Variants in CHL1 observed in about 807,000 individuals in gnomAD.
CHL1 encodes the protein cell adhesion molecule L1 like, also known as neural cell adhesion molecule L1-like protein.
A neutral mutation model predicts 141.9 loss-of-function variants in CHL1; 96 were observed. The observed-to-expected ratio is 0.68, with a 90% confidence interval of 0.57 to 0.80. CHL1 has a LOEUF of 0.80. CHL1 is among the 30% of genes least tolerant of loss of function. CHL1 has a pLI of 0.00. For synonymous variants in CHL1, 613 were observed against 502.2 expected (o/e 1.22, Z -2.95); for missense variants, 1,820 against 1,457.2 (o/e 1.25, Z -4.05).
At chr3:299,958 T>C (rs1698574518) in intron 2 of CHL1, among the ~76,000 whole-genome samples, 1 of 152,192 alleles carries the variant, frequency 6.6e-6, no homozygotes, top group Non-Finnish European at 1.5e-5. Context: ...CAGGAAGTTG[T>C]TGGCCGCCTC....
chr3:360,758 C>G (rs1418822526), intron 12 of CHL1, among the ~76,000 whole-genome samples: 1 of 121,972 alleles, frequency 8.2e-6, no homozygotes, highest in African/African-American at 3.5e-5. Flanking sequence ...CACCCCACAA[C>G]AGTCCCCAGA....
At chr3:323,307 T>C (rs1559254019) in intron 3 of CHL1, among the ~76,000 whole-genome samples, 1 of 152,064 alleles carries the variant, frequency 6.6e-6, no homozygotes, top group Non-Finnish European at 1.5e-5. Flanking sequence ...CTTGAGAGCT[T>C]CCCGATACTT....
intron 11 of CHL1, among the ~76,000 whole-genome samples, chr3:358,706 T>C (rs1703937218): frequency 6.6e-6 from 1 of 152,132 alleles, no homozygotes; most frequent in South Asian, 2.1e-4. Flanking sequence ...CACAGTCAAG[T>C]GAAAAAAATC....
intron 2 of CHL1, among the ~76,000 whole-genome samples, chr3:302,486 C>T (rs1032877905): frequency 1.3e-5 from 2 of 152,206 alleles, no homozygotes; most frequent in African/African-American, 4.8e-5. Context: ...TTGCATTTCT[C>T]TAATGACCAG....
At chr3:235,417 A>T (rs949140981) in intron 1 of CHL1, among the ~76,000 whole-genome samples, 1 of 152,146 alleles carries the variant, frequency 6.6e-6, no homozygotes, top group Admixed American at 6.5e-5. Flanking sequence ...GTAAGGATAA[A>T]ATGAGTTAAT....
chr3:288,940 G>T (rs1325576853), intron 2 of CHL1, among the ~76,000 whole-genome samples: 1 of 152,024 alleles, frequency 6.6e-6, no homozygotes, highest in East Asian at 1.9e-4. Context: ...TCATGCCTTT[G>T]GTTTTGTGAG....
intron 15 of CHL1, among the ~76,000 whole-genome samples, chr3:367,479 T>C (rs995781346): frequency 1.3e-5 from 2 of 152,152 alleles, no homozygotes; most frequent in African/African-American, 2.4e-5. Flanking sequence ...TCCCATAACA[T>C]AGTTTGAATT....
chr3:306,072 C>T (rs1378200455), intron 2 of CHL1, among the ~76,000 whole-genome samples: 1 of 152,036 alleles, frequency 6.6e-6, no homozygotes, highest in African/African-American at 2.4e-5. Flanking sequence ...CTGATATTGC[C>T]TTCCTGTTCT....
At chr3:206,532 C>A (rs1186975827) in intron 1 of CHL1, among the ~76,000 whole-genome samples, 2 of 151,790 alleles carry the variant, frequency 1.3e-5, no homozygotes, top group Admixed American at 6.6e-5. Context: ...GAGTTCAAGA[C>A]CAGCAACACA....
At chr3:271,515 T>C in intron 2 of CHL1, among the ~76,000 whole-genome samples, 1 of 152,244 alleles carries the variant, frequency 6.6e-6, no homozygotes, top group East Asian at 1.9e-4. Flanking sequence ...TATTTACTCA[T>C]ATTACATGAG....
At chr3:326,931 T>C (rs1001141624) in intron 4 of CHL1, among the ~76,000 whole-genome samples, 9 of 151,974 alleles carry the variant, frequency 5.9e-5, no homozygotes, top group Non-Finnish European at 1.3e-4. Flanking sequence ...TAATTATTTC[T>C]ATGTTTAACC....
chr3:326,009 C>G lies in CHL1; in HGVS notation c.142C>G (p.Pro48Ala). ...ACAGTCAAAAGTCCAAGTTGCCTTT[C>G]CCTTCGATGAGTATTTTCAAATTGA... is the stretch of plus-strand genomic sequence containing the variant. Reference protein sequence around the residue: ...IKQSKVQVAFPFDEYFQIECE... With the variant: ...IKQSKVQVAFAFDEYFQIECE... Residue 48 changes from proline (P) to alanine (A), a missense_variant, in exon 4 of 28, where the codon CCC becomes GCC. Physicochemically the swap from Pro to Ala is conservative, Grantham distance 27. Coordinates refer to ENST00000256509, the MANE Select transcript of CHL1 (RefSeq NM_006614.4). The G allele has an allele frequency of 6.2e-7, 1 of 1,611,746 alleles. No homozygotes were observed. The highest frequency in any genetic ancestry group is 8.5e-7 in the Non-Finnish European group (1 of 1,178,618).
At chr3:273,148 A>G (rs1695787824) in intron 2 of CHL1, among the ~76,000 whole-genome samples, 1 of 152,172 alleles carries the variant, frequency 6.6e-6, no homozygotes, top group East Asian at 1.9e-4. Context: ...TATTTCACAA[A>G]CAGTGAGGAG....
In CHL1 at chr3:377,811, C is replaced by T. The variant is rs1477106336; in HGVS notation, c.1752-7C>T. On this transcript the variant is annotated splice_polypyrimidine_tract_variant and splice_region_variant and intron_variant, in intron 15 of 27. Transcript: ENST00000256509. ...TTCTCATCATGTACTCACTTTTTTTCTGATAGGATAATTATTGATGGAGCT... is the reference window on the plus strand; with the variant it reads ...TTCTCATCATGTACTCACTTTTTTTTTGATAGGATAATTATTGATGGAGCT... 4.4e-6 allele frequency: 7 copies of T among 1,591,780 alleles called. No individual in the cohort carries two copies. Among genetic ancestry groups the T allele is most frequent in the African/African-American group, 2.7e-5 (2 of 73,732 alleles).
intron 9 of CHL1, among the ~76,000 whole-genome samples, chr3:348,350 A>C (rs1478618960): frequency 6.6e-6 from 1 of 152,214 alleles, no homozygotes; most frequent in Non-Finnish European, 1.5e-5. Context: ...AAGAAGAAAT[A>C]TGGAGAGGAA....
At chr3:275,222 C>G (rs955427690) in intron 2 of CHL1, among the ~76,000 whole-genome samples, 4 of 152,194 alleles carry the variant, frequency 2.6e-5, no homozygotes, top group African/African-American at 9.7e-5. Context: ...CTCTTAGTCG[C>G]AGTGTGGCTC....
chr3:361,510 C>T (rs1248689279), intron 12 of CHL1, among the ~76,000 whole-genome samples, 189 bp from the exon 13 acceptor site: 2 of 152,046 alleles, frequency 1.3e-5, no homozygotes, highest in Non-Finnish European at 2.9e-5. Context: ...ACAATGAACT[C>T]AAACAAATTT....
In CHL1 at chr3:328,329, A is replaced by G. The variant is rs201014004; in HGVS notation, c.360A>G (p.Ser120=). ...CAAATAAACTGGGAATCGCTATGTCAGAAGAAATAGAATTTATAGTTCCAA... is the reference window on the plus strand; with the variant it reads ...CAAATAAACTGGGAATCGCTATGTCGGAAGAAATAGAATTTATAGTTCCAA... ...FASNKLGIAM[S]EEIEFIVPSV... is the part of the protein sequence containing the mutation. The change falls in exon 5 of 28, where the codon TCA becomes TCG. Residue 120 remains serine, a synonymous_variant. Transcript: ENST00000256509. 1 of 1,611,376 alleles carries G rather than the reference A, an allele frequency of 6.2e-7. No individual in the cohort carries two copies. The highest frequency in any genetic ancestry group is 2.2e-5 in the East Asian group (1 of 44,784).
intron 1 of CHL1, among the ~76,000 whole-genome samples, chr3:215,539 CTAGA>C (rs1700245268): frequency 6.6e-6 from 1 of 152,110 alleles, no homozygotes; most frequent in Non-Finnish European, 1.5e-5. Context: ...TTCCAAATAA[CTAGA>C]AGAGAGGATC....
Sources: gnomAD v4.1 joint callset for allele counts (sites outside exome capture counted in the v4.1 genomes callset) on GRCh38, gnomAD v4.1.1 for gene constraint, MANE v1.5 for transcripts, NCBI Gene and HGNC (gene_info 2026-07-23, HGNC 2026-07-21) for gene names.